FABP7: variants seen among roughly 807,000 people sequenced by gnomAD.
FABP7 encodes fatty acid binding protein 7.
FABP7 carries 13 observed loss-of-function variants against 14.2 expected under a neutral mutation model. That is an observed-to-expected ratio of 0.91 (90% CI 0.59 to 1.45). The LOEUF (loss-of-function observed/expected upper bound fraction) is 1.45, where lower values mean the gene tolerates loss of function less well. FABP7 is among the 40% of genes most tolerant of loss of function. The pLI is 0.00. For synonymous variants in FABP7, 49 were observed against 51.4 expected (o/e 0.95, Z 0.20); for missense variants, 149 against 157.6 (o/e 0.95, Z 0.29).
the FABP7 span, among the ~76,000 whole-genome samples, chr6:122,761,952 A>G: frequency 6.6e-6 from 1 of 152,202 alleles, no homozygotes; most frequent in African/African-American, 2.4e-5. Context: ...GCCAAATTCT[A>G]CCAGAGGTAC....
chr6:122,762,137 C>G, the FABP7 span, among the ~76,000 whole-genome samples: 1 of 152,080 alleles, frequency 6.6e-6, no homozygotes, highest in African/African-American at 2.4e-5. Flanking sequence ...TGCAAAAATC[C>G]TCAATAAAAT....
chr6:122,775,818 T>G (rs1396169097), upstream of FABP7, among the ~76,000 whole-genome samples: 1 of 150,952 alleles, frequency 6.6e-6, no homozygotes, highest in Non-Finnish European at 1.5e-5. Context: ...TTCAAATGAT[T>G]GAATAGCAAA....
intron 3 of FABP7, chr6:122,782,430 A>G (rs1166946947): frequency 1.6e-5 from 12 of 749,656 alleles, no homozygotes; most frequent in Non-Finnish European, 2.0e-5. Flanking sequence ...ACTCTGATCC[A>G]TTTCTGACTC....
At chr6:122,764,768 C>T in the FABP7 span, among the ~76,000 whole-genome samples, 3 of 152,222 alleles carry the variant, frequency 2.0e-5, no homozygotes, top group East Asian at 1.9e-4. Context: ...GTCTTTTCTA[C>T]GAGTTGATGA....
At chr6:122,775,482 C>T (rs1356778608), upstream of FABP7, among the ~76,000 whole-genome samples, 1 of 152,048 alleles carries the variant, frequency 6.6e-6, no homozygotes, top group Non-Finnish European at 1.5e-5. Context: ...AAACTAGACC[C>T]CTATCTCTCA....
At chr6:122,760,338 A>G in the FABP7 span, among the ~76,000 whole-genome samples, 1,675 of 152,300 alleles carry the variant, frequency 0.011, 37 homozygotes, top group African/African-American at 0.038. Flanking sequence ...CCTGAAGTCT[A>G]CTTTATCTCA....
At position 122,779,799 on chromosome 6, in the gene FABP7, T is replaced by G; in HGVS notation, c.5T>G (p.Val2Gly). The G allele has an allele frequency of 1.2e-6, 2 of 1,614,124 alleles. No homozygotes were observed. Among genetic ancestry groups the G allele is most frequent in the Non-Finnish European group, 1.7e-6 (2 of 1,180,002 alleles). ...TAAAGAGGGGAAAGGGCAAGGATGG[T>G]GGAGGCTTTCTGTGCTACCTGGAAG... Reference protein sequence around the residue: MVEAFCATWKLT... With the variant: MGEAFCATWKLT... The change falls in exon 1 of 4, where the codon GTG becomes GGG. Residue 2 changes from valine (V) to glycine (G), a missense_variant. Val to Gly is a moderately radical substitution (Grantham distance 109). Transcript: ENST00000368444.
upstream of FABP7, among the ~76,000 whole-genome samples, chr6:122,775,717 CA>C (rs899583263): frequency 1.6e-4 from 24 of 148,388 alleles, no homozygotes; most frequent in Non-Finnish European, 2.5e-4. Context: ...AAAAAACAAA[CA>C]AAAAAATACT....
At chr6:122,777,140 T>C (rs748174226), upstream of FABP7, among the ~76,000 whole-genome samples, 6 of 152,240 alleles carry the variant, frequency 3.9e-5, no homozygotes, top group Non-Finnish European at 7.3e-5. Flanking sequence ...CTCTCAACAA[T>C]TTTATGTTCT....
At chr6:122,760,764 A>T in the FABP7 span, among the ~76,000 whole-genome samples, 7 of 152,116 alleles carry the variant, frequency 4.6e-5, no homozygotes, top group African/African-American at 1.7e-4. Context: ...ATTGAATTTA[A>T]ATGATATTTA....
At chr6:122,756,682 T>C in the FABP7 span, among the ~76,000 whole-genome samples, 1 of 152,222 alleles carries the variant, frequency 6.6e-6, no homozygotes, top group African/African-American at 2.4e-5. Context: ...TTGTCTCTTC[T>C]TAGTTTCTCT....
upstream of FABP7, among the ~76,000 whole-genome samples, chr6:122,777,663 C>G (rs570370585): frequency 4.9e-4 from 74 of 152,100 alleles, 1 homozygote; most frequent in South Asian, 0.01. Flanking sequence ...GCCTGGGCAA[C>G]ATGGCAAGAC....
At chr6:122,769,708 A>T in the FABP7 span, among the ~76,000 whole-genome samples, 2 of 152,150 alleles carry the variant, frequency 1.3e-5, no homozygotes, top group Admixed American at 1.3e-4. Context: ...CATTTTCTTG[A>T]GTCTCGAATG....
Position 122,781,035 on chromosome 6 carries a change from G to A in FABP7, c.247-58G>A, listed in dbSNP as rs80064211. Reference sequence around the variant, plus strand: ...TCTTTCAAAAATCACATCGTCTTCCGTATCAGAAATCTGAATTGTATTTAT... The same window carrying A: ...TCTTTCAAAAATCACATCGTCTTCCATATCAGAAATCTGAATTGTATTTAT... On this transcript the variant is annotated intron_variant, in intron 2 of 3. Transcript: ENST00000368444. 4.9e-3 allele frequency: 7,569 copies of A among 1,531,218 alleles called. 295 individuals carry two copies. In the African/African-American group the frequency reaches 0.09, roughly 18 times the overall value. The allele number at this position is 1,531,218 out of a possible 1,614,324, so 94.9% of individuals were successfully genotyped here.
chr6:122,781,737 AC>A, intron 3 of FABP7: 2 of 725,686 alleles, frequency 2.8e-6, no homozygotes, highest in African/African-American at 2.1e-5. Context: ...ATCAGTGATA[AC>A]CCTTTTTTTT....
At chr6:122,763,476 T>C in the FABP7 span, among the ~76,000 whole-genome samples, 34 of 152,294 alleles carry the variant, frequency 2.2e-4, no homozygotes, top group Middle Eastern at 3.4e-3. Flanking sequence ...GACATAGGCA[T>C]GGGCAAGGAC....
the FABP7 span, among the ~76,000 whole-genome samples, chr6:122,757,841 A>G: frequency 2.0e-5 from 3 of 152,246 alleles, no homozygotes; most frequent in South Asian, 4.1e-4. Flanking sequence ...ATATTAAGGT[A>G]CTAAAAGAAG....
At chr6:122,779,947 G>A in intron 1 of FABP7, 80 bp downstream of exon 1, 1 of 1,341,738 alleles carries the variant, frequency 7.5e-7, no homozygotes. Context: ...CACTCATCAG[G>A]TCAGCAAGAG....
chr6:122,763,984 G>A, the FABP7 span, among the ~76,000 whole-genome samples: 8 of 152,296 alleles, frequency 5.3e-5, no homozygotes, highest in East Asian at 5.8e-4. Flanking sequence ...ACAGGAAGGC[G>A]ATTCCTCAAG....
Sources: gnomAD v4.1 joint callset for allele counts (sites outside exome capture counted in the v4.1 genomes callset) on GRCh38, gnomAD v4.1.1 for gene constraint, MANE v1.5 for transcripts, NCBI Gene and HGNC (gene_info 2026-07-23, HGNC 2026-07-21) for gene names.